Variants in GLIS1 observed in about 807,000 individuals in gnomAD.
The protein encoded by GLIS1 is GLIS family zinc finger 1.
A neutral mutation model predicts 63.8 loss-of-function variants in GLIS1; 24 were observed. The observed-to-expected ratio is 0.38, with a 90% CI of 0.27 to 0.53. The LOEUF is 0.53. Ranked by LOEUF, GLIS1 falls within the 20% of genes least tolerant of loss-of-function variation. The pLI, the probability that GLIS1 is intolerant of heterozygous loss-of-function variation, is 0.85. For missense variants in GLIS1, 1,036 were observed against 1,074.1 expected (o/e 0.96, Z 0.50); for synonymous variants, 450 against 482.5 (o/e 0.93, Z 0.88).
chr1:53,735,821 C>T (rs1300572848), intron 2 of GLIS1, among the ~76,000 whole-genome samples: 1 of 152,072 alleles, frequency 6.6e-6, no homozygotes, highest in African/African-American at 2.4e-5. Context: ...TTTAAGGACG[C>T]TGAAGAACTG....
intron 4 of GLIS1, among the ~76,000 whole-genome samples, chr1:53,551,393 C>T (rs895408141): frequency 9.9e-5 from 15 of 152,186 alleles, no homozygotes; most frequent in East Asian, 5.8e-4. Flanking sequence ...CACCCATGCC[C>T]GGGATGGAGG....
rs2100234486 is a variant in GLIS1, at chr1:53,506,432, C to T, written c.*187G>A. 1 of 616,386 alleles carries T rather than the reference C, an allele frequency of 1.6e-6. No individual in the cohort carries two copies. The highest frequency in any genetic ancestry group is 2.0e-5 in the South Asian group (1 of 49,036). The allele number at this position is 616,386 out of a possible 1,614,324, so 38.2% of individuals were successfully genotyped here. ...CTGGCGGGCACCTCTGTGCGCCCAG[C>T]TCAAGCTCGGATGGCGGCTCCCTGG... On this transcript the variant is annotated 3_prime_UTR_variant, in exon 11 of 11. Transcript: ENST00000628545.
chr1:53,686,182 G>C (rs1646335225), intron 2 of GLIS1, among the ~76,000 whole-genome samples: 1 of 152,216 alleles, frequency 6.6e-6, no homozygotes, highest in South Asian at 2.1e-4. Flanking sequence ...ACGGAGCGGA[G>C]CTATGACTGC....
intron 4 of GLIS1, among the ~76,000 whole-genome samples, chr1:53,550,184 T>G (rs1644744364): frequency 6.6e-6 from 1 of 152,212 alleles, no homozygotes; most frequent in Non-Finnish European, 1.5e-5. Context: ...GGAAAAGGAA[T>G]TTCCTTCCAC....
chr1:53,733,149 A>T (rs1163744106), intron 2 of GLIS1, among the ~76,000 whole-genome samples: 3 of 152,206 alleles, frequency 2.0e-5, no homozygotes, highest in Non-Finnish European at 4.4e-5. Context: ...ACATAAGAAT[A>T]TATTTTTTTA....
At position 53,737,881 on chromosome 1, in the gene GLIS1, G is replaced by A; in HGVS notation, c.184C>T (p.Pro62Ser). ...GGCCGGAGGAGGTCGTGGGCGCGCG[G>A]TGGCGGCGCAGGCGGCCGGGCTAGC... ...DLLARPPAPP[P>S]RAHDLLRPRS... The change falls in exon 2 of 11, where the codon CCG becomes TCG. Residue 62 changes from proline (P) to serine (S), a missense_variant. Physicochemically the swap from Pro to Ser is moderately conservative, Grantham distance 74. This residue lies in a region of GLIS1 where 592 missense variants were observed against 593.9 expected (regional missense o/e 1.00). Coordinates refer to ENST00000628545, the MANE Select transcript of GLIS1 (RefSeq NM_001367484.1). 1.6e-6 allele frequency: 2 copies of A among 1,230,926 alleles called. No individual in the cohort carries two copies. The highest frequency in any genetic ancestry group is 4.2e-5 in the Admixed American group (1 of 23,694). The allele number at this position is 1,230,926 out of a possible 1,614,324, so 76.3% of individuals were successfully genotyped here.
intron 4 of GLIS1, among the ~76,000 whole-genome samples, chr1:53,558,505 A>G (rs2100430916): frequency 6.6e-6 from 1 of 152,190 alleles, no homozygotes; most frequent in Middle Eastern, 3.4e-3. Context: ...CCATTCTTGA[A>G]CATGATGCGC....
intron 2 of GLIS1, among the ~76,000 whole-genome samples, chr1:53,667,847 C>T (rs1646110368): frequency 6.6e-6 from 1 of 152,172 alleles, no homozygotes; most frequent in Non-Finnish European, 1.5e-5. Flanking sequence ...TTAAAGGCCC[C>T]ATCTCTTAAT....
At chr1:53,509,430 A>G in intron 9 of GLIS1, 143 bp from the exon 10 acceptor site, 3 of 942,312 alleles carry the variant, frequency 3.2e-6, no homozygotes. Context: ...GGCCCAGGGC[A>G]GAGGAGGTGC....
chr1:53,639,963 C>G lies in GLIS1; in HGVS notation c.260-39685G>C, dbSNP rs7520808. ...TTATACTTCCACAGAAACAGGGATA[C>G]TACACTTAACAAACACGAGCATGGT... On this transcript the variant is annotated intron_variant, in intron 2 of 10. Coordinates refer to ENST00000628545, the MANE Select transcript of GLIS1 (RefSeq NM_001367484.1). The surrounding 1 kb of genome is among the most constrained non-coding windows in gnomAD (Gnocchi z 4.6). Among the ~76,000 whole-genome samples, 40,528 of 152,156 alleles carry G rather than the reference C, an allele frequency of 0.27. 5,506 individuals are homozygous for G. Among genetic ancestry groups the G allele is most frequent in the East Asian group, 0.43 (2,247 of 5,186 alleles).
At chr1:53,624,829 A>G (rs1306891060) in intron 2 of GLIS1, among the ~76,000 whole-genome samples, 1 of 152,248 alleles carries the variant, frequency 6.6e-6, no homozygotes, top group East Asian at 1.9e-4. Context: ...TCCAGAATAT[A>G]TAAATAACTC....
At chr1:53,520,440 T>C (rs1644395811) in intron 7 of GLIS1, among the ~76,000 whole-genome samples, 194 bp downstream of exon 7, 1 of 152,234 alleles carries the variant, frequency 6.6e-6, no homozygotes, top group Non-Finnish European at 1.5e-5. Context: ...GTCCACCTAG[T>C]TAGACGAGCT....
rs539512435 is a variant in GLIS1 at position 53,679,640 on chromosome 1, A to G, written c.259+58166T>C. ...TGTGTCCCAGAGAGAAGTCTGAGCC[A>G]CAGAACCACAGAGATGAGAGCTCAA... On this transcript the variant is annotated intron_variant, in intron 2 of 10. Coordinates refer to ENST00000628545, the MANE Select transcript of GLIS1 (RefSeq NM_001367484.1). Among the ~76,000 whole-genome samples, 15 of 152,328 alleles carry G rather than the reference A, an allele frequency of 9.8e-5. 1 individual carries two copies. In the South Asian group the frequency reaches 1.5e-3, roughly 15 times the overall value.
chr1:53,720,857 G>A (rs1392662414), intron 2 of GLIS1, among the ~76,000 whole-genome samples: 1 of 152,078 alleles, frequency 6.6e-6, no homozygotes, highest in Non-Finnish European at 1.5e-5. Context: ...CATTATCTGG[G>A]CATGGTAGCC....
At chr1:53,613,753 G>C (rs748303247) in intron 2 of GLIS1, among the ~76,000 whole-genome samples, 4 of 152,102 alleles carry the variant, frequency 2.6e-5, no homozygotes, top group Non-Finnish European at 5.9e-5. Flanking sequence ...AAGGAACTGA[G>C]AAAGTCTCAA....
intron 2 of GLIS1, among the ~76,000 whole-genome samples, chr1:53,710,366 G>A (rs1481134033): frequency 6.6e-6 from 1 of 152,250 alleles, no homozygotes; most frequent in African/African-American, 2.4e-5. Context: ...CTGGTCAGAC[G>A]TGTCACATCC....
At chr1:53,577,240 A>C (rs1645041316) in intron 4 of GLIS1, among the ~76,000 whole-genome samples, 1 of 149,550 alleles carries the variant, frequency 6.7e-6, no homozygotes, top group South Asian at 2.1e-4. Context: ...TCTGGCTGAC[A>C]CCTCCCTATT....
intron 4 of GLIS1, among the ~76,000 whole-genome samples, chr1:53,540,207 C>A (rs546479852): frequency 6.6e-6 from 1 of 152,306 alleles, no homozygotes; most frequent in East Asian, 1.9e-4. Context: ...CACAGCCTGC[C>A]CCGCCCACAC....
intron 2 of GLIS1, among the ~76,000 whole-genome samples, chr1:53,710,680 G>A (rs925149126): frequency 1.3e-5 from 2 of 151,974 alleles, no homozygotes; most frequent in African/African-American, 4.8e-5. Flanking sequence ...CCCCTGGGAT[G>A]CACTCTCCGA....
Sources: allele counts gnomAD v4.1 joint callset (sites outside exome capture counted in the v4.1 genomes callset), GRCh38; gene constraint gnomAD v4.1.1; regional missense constraint gnomAD v4.1.1; non-coding constraint Gnocchi (gnomAD v3.1); transcripts MANE v1.5; gene names NCBI Gene and HGNC (gene_info 2026-07-23, HGNC 2026-07-21).